Variants in DPH6 observed in about 807,000 individuals in gnomAD.
The protein encoded by DPH6 is diphthamine biosynthesis 6.
In DPH6, 33 loss-of-function variants were observed where a neutral mutation model predicts 38.2. The observed-to-expected ratio is 0.86, with a 90% CI of 0.65 to 1.15. The LOEUF is 1.15. DPH6 is among the 50% of genes most tolerant of loss of function. DPH6 has a pLI of 0.00. For synonymous variants in DPH6, 108 were observed against 103.0 expected (o/e 1.05, Z -0.30); for missense variants, 325 against 320.0 (o/e 1.02, Z -0.12).
At position 35,289,935 on chromosome 15, in the gene DPH6, C is replaced by T. The variant is rs1010116975; in HGVS notation, n.201-69353G>A. Among the ~76,000 whole-genome samples the T allele has an allele frequency of 4.6e-5, 7 of 152,264 alleles. No homozygotes were observed. In the Middle Eastern group the frequency reaches 0.01, roughly 222 times the overall value. ...TACTTTTGGGAGTTCTGGTCTAATG[C>T]GTACTGCTACCTGGAAACTATATTG... is the stretch of plus-strand genomic sequence containing the variant. On this transcript the variant is annotated intron_variant and non_coding_transcript_variant, in intron 3 of 3. Coordinates refer to the DPH6 transcript ENST00000560386.
intron 3 of DPH6, among the ~76,000 whole-genome samples, chr15:35,510,090 C>T (rs893502043): frequency 1.3e-5 from 2 of 152,134 alleles, no homozygotes; most frequent in African/African-American, 4.8e-5. Context: ...GTTACGTGTT[C>T]CTGTAGTACC....
chr15:35,421,677 T>C (rs1323397900), intron 5 of DPH6, among the ~76,000 whole-genome samples: 1 of 151,942 alleles, frequency 6.6e-6, no homozygotes, highest in East Asian at 1.9e-4. Flanking sequence ...GAGTAGAGAG[T>C]GTCTGAAGGT....
At chr15:35,302,995 C>T (rs1200121936) in intron 3 of DPH6, among the ~76,000 whole-genome samples, 2 of 152,004 alleles carry the variant, frequency 1.3e-5, no homozygotes, top group African/African-American at 4.8e-5. Flanking sequence ...TCAAGAAAAA[C>T]TAGAGTTTCT....
chr15:35,519,929 G>A (rs1175870116), intron 3 of DPH6: 1 of 151,908 alleles, frequency 6.6e-6, no homozygotes, highest in South Asian at 2.1e-4. Flanking sequence ...CTGTCAAATA[G>A]AGAAGACTGC....
chr15:35,487,764 A>C (rs2054424355), intron 3 of DPH6, among the ~76,000 whole-genome samples: 1 of 152,158 alleles, frequency 6.6e-6, no homozygotes, highest in Admixed American at 6.5e-5. Flanking sequence ...TGGCAGCTTG[A>C]ATTTCTCCCC....
chr15:35,447,187 T>G (rs1566913052), intron 5 of DPH6, among the ~76,000 whole-genome samples: 1 of 152,126 alleles, frequency 6.6e-6, no homozygotes, highest in Non-Finnish European at 1.5e-5. Context: ...ACATCACCAA[T>G]TTCCCTTCTC....
chr15:35,296,821 G>T, intron 3 of DPH6, among the ~76,000 whole-genome samples: 1 of 61,644 alleles, frequency 1.6e-5, no homozygotes, highest in South Asian at 5.9e-4. Flanking sequence ...TTTTTGAGAC[G>T]GAGTCTCGCT....
intron 3 of DPH6, among the ~76,000 whole-genome samples, chr15:35,500,278 T>C (rs980213625): frequency 2.0e-5 from 3 of 152,158 alleles, no homozygotes; most frequent in African/African-American, 7.2e-5. Flanking sequence ...ACCTTATACT[T>C]TTCACAAGCG....
intron 3 of DPH6, among the ~76,000 whole-genome samples, chr15:35,340,917 T>C (rs1409280790): frequency 1.3e-5 from 2 of 152,198 alleles, no homozygotes; most frequent in Non-Finnish European, 2.9e-5. Context: ...AATTTGAATG[T>C]TGGCCTGTCT....
chr15:35,330,692 A>C (rs1409154138), downstream of DPH6: 2 of 152,204 alleles, frequency 1.3e-5, no homozygotes, highest in African/African-American at 4.8e-5. Flanking sequence ...ATAAAGCTTT[A>C]GAATACGTTT....
At chr15:35,440,528 G>T (rs1229826422) in intron 5 of DPH6, among the ~76,000 whole-genome samples, 1 of 152,198 alleles carries the variant, frequency 6.6e-6, no homozygotes, top group Non-Finnish European at 1.5e-5. Flanking sequence ...ATCTGATTCT[G>T]TCTTCCCAAA....
intron 3 of DPH6, among the ~76,000 whole-genome samples, chr15:35,309,180 T>C (rs892001320): frequency 6.6e-6 from 1 of 152,188 alleles, no homozygotes; most frequent in South Asian, 2.1e-4. Context: ...TCCTAAAAGA[T>C]TCATTCCATT....
chr15:35,311,103 C>T (rs7172225), intron 3 of DPH6, among the ~76,000 whole-genome samples: 9,822 of 150,866 alleles, frequency 0.065, 1,029 homozygotes, highest in African/African-American at 0.22. Flanking sequence ...CCAAAAAAAC[C>T]AGATCATAAG....
intron 3 of DPH6, among the ~76,000 whole-genome samples, chr15:35,470,515 A>G (rs754484787): frequency 5.9e-5 from 9 of 152,244 alleles, no homozygotes; most frequent in South Asian, 4.1e-4. Context: ...AAATATTTCA[A>G]AAAGACTTGT....
At chr15:35,178,929 G>A in the DPH6 span, among the ~76,000 whole-genome samples, 5 of 151,976 alleles carry the variant, frequency 3.3e-5, no homozygotes, top group African/African-American at 1.2e-4. Flanking sequence ...TATGCTGGCC[G>A]GATGCGGTGG....
intron 6 of DPH6, among the ~76,000 whole-genome samples, chr15:35,402,836 A>T (rs1248624262): frequency 6.6e-6 from 1 of 152,066 alleles, no homozygotes; most frequent in Non-Finnish European, 1.5e-5. Context: ...GATGACAATC[A>T]TAATGTTATT....
At chr15:35,166,536 C>T in the DPH6 span, among the ~76,000 whole-genome samples, 5 of 151,788 alleles carry the variant, frequency 3.3e-5, no homozygotes, top group East Asian at 5.8e-4. Flanking sequence ...TCCTCTCCCA[C>T]AATACTAAGA....
intron 3 of DPH6, among the ~76,000 whole-genome samples, chr15:35,456,170 C>T (rs1488578265): frequency 6.6e-6 from 1 of 152,072 alleles, no homozygotes; most frequent in African/African-American, 2.4e-5. Flanking sequence ...CTTTCCCTAA[C>T]CTTCCTAGCC....
At chr15:35,382,288 T>A (rs1236782313) in intron 6 of DPH6, among the ~76,000 whole-genome samples, 1 of 151,422 alleles carries the variant, frequency 6.6e-6, no homozygotes, top group African/African-American at 2.4e-5. Context: ...ACAAAAAAAT[T>A]AGCCGGGCAT....
Sources: gnomAD v4.1 joint callset for allele counts (sites outside exome capture counted in the v4.1 genomes callset) on GRCh38, gnomAD v4.1.1 for gene constraint, MANE v1.5 for transcripts, NCBI Gene and HGNC (gene_info 2026-07-23, HGNC 2026-07-21) for gene names.